The following LINGO1 variants were observed in gnomAD, a reference collection of about 807,000 sequenced individuals.
LINGO1 encodes leucine-rich repeat and immunoglobulin-like domain-containing nogo receptor-interacting protein 1.
LINGO1 carries 11 observed loss-of-function variants against 37.3 expected under a neutral mutation model. That is an observed-to-expected ratio of 0.29 (90% CI 0.19 to 0.49). The LOEUF (loss-of-function observed/expected upper bound fraction) is 0.49, where lower values mean the gene tolerates loss of function less well. Ranked by LOEUF, LINGO1 falls within the 20% of genes least tolerant of loss-of-function variation. The pLI, the probability that LINGO1 is intolerant of heterozygous loss-of-function variation, is 0.99. For missense variants in LINGO1, 585 were observed against 878.2 expected (o/e 0.67, Z 4.22); for synonymous variants, 387 against 403.0 (o/e 0.96, Z 0.48).
chr15:77,779,900 C>T (rs936971605), intron 1 of LINGO1, among the ~76,000 whole-genome samples: 1 of 152,174 alleles, frequency 6.6e-6, no homozygotes, highest in Non-Finnish European at 1.5e-5. Flanking sequence ...AGCATGGAGC[C>T]AGGCACCAGG....
At chr15:77,769,092 C>T (rs2076558352) in intron 1 of LINGO1, among the ~76,000 whole-genome samples, 1 of 152,212 alleles carries the variant, frequency 6.6e-6, no homozygotes, top group African/African-American at 2.4e-5. Flanking sequence ...CTCTGGCCTC[C>T]CTGCTCCAGA....
chr15:77,738,857 C>T (rs527834176), intron 1 of LINGO1, among the ~76,000 whole-genome samples: 2 of 152,304 alleles, frequency 1.3e-5, no homozygotes, highest in Non-Finnish European at 2.9e-5. Flanking sequence ...TACCAGACTC[C>T]GAAGCCTGTG....
chr15:77,795,941 C>T (rs974367413), exon 2 of LINGO1: 2 of 152,324 alleles, frequency 1.3e-5, no homozygotes, highest in African/African-American at 2.4e-5. Context: ...CATCTTACCT[C>T]GGGTTGGGTG....
At chr15:77,812,162 T>C (rs4243052) in intron 1 of LINGO1, among the ~76,000 whole-genome samples, 144,260 of 152,314 alleles carry the variant, frequency 0.95, 68,375 homozygotes, top group African/African-American at 0.96. Flanking sequence ...AGAAGCCAGA[T>C]GCTGCCCTTT....
chr15:77,733,399 C>A (rs1230500743), intron 2 of LINGO1, among the ~76,000 whole-genome samples: 1 of 152,162 alleles, frequency 6.6e-6, no homozygotes, highest in Non-Finnish European at 1.5e-5. Flanking sequence ...GGTCCACACA[C>A]ACATCTTCAT....
intron 1 of LINGO1, among the ~76,000 whole-genome samples, chr15:77,801,363 T>C (rs2076917014): frequency 1.3e-5 from 2 of 152,194 alleles, no homozygotes; most frequent in Non-Finnish European, 2.9e-5. Flanking sequence ...CGTCTATGTA[T>C]AACAATAGAG....
At chr15:77,819,674 C>T (rs2077081999) in intron 1 of LINGO1, 2 of 150,986 alleles carry the variant, frequency 1.3e-5, no homozygotes, top group Non-Finnish European at 3.0e-5. Context: ...CGGCCGGAGC[C>T]TGCGGAGCGC....
intron 1 of LINGO1, among the ~76,000 whole-genome samples, chr15:77,809,783 T>C (rs1218289424): frequency 6.6e-6 from 1 of 152,230 alleles, no homozygotes; most frequent in African/African-American, 2.4e-5. Flanking sequence ...TGCCTCGTTT[T>C]GCCAGGGAAG....
At chr15:77,808,654 A>G (rs2076979414) in intron 1 of LINGO1, among the ~76,000 whole-genome samples, 1 of 152,146 alleles carries the variant, frequency 6.6e-6, no homozygotes, top group Non-Finnish European at 1.5e-5. Context: ...CAATGCTCCT[A>G]TGTTCAAATG....
intron 2 of LINGO1, among the ~76,000 whole-genome samples, chr15:77,685,650 G>A (rs1259271984): frequency 6.7e-6 from 1 of 148,956 alleles, no homozygotes; most frequent in Non-Finnish European, 1.5e-5. Flanking sequence ...TTGAGGCCAG[G>A]AGTTTGAGAC....
chr15:77,785,549 C>G (rs2076762943), intron 1 of LINGO1, among the ~76,000 whole-genome samples: 2 of 152,110 alleles, frequency 1.3e-5, no homozygotes, highest in Admixed American at 1.3e-4. Context: ...GACAGTGGTC[C>G]CACCCCCAAC....
At chr15:77,792,529 T>A (rs2076826101) in intron 2 of LINGO1, among the ~76,000 whole-genome samples, 1 of 152,210 alleles carries the variant, frequency 6.6e-6, no homozygotes, top group Non-Finnish European at 1.5e-5. Flanking sequence ...TAAGGCCTAC[T>A]CCCTCTCCTC....
chr15:77,712,060 T>C (rs983388219), intron 2 of LINGO1, among the ~76,000 whole-genome samples: 9 of 152,176 alleles, frequency 5.9e-5, no homozygotes, highest in African/African-American at 2.2e-4. Flanking sequence ...TCGAACTTCC[T>C]GGCCACTTCC....
chr15:77,709,696 G>A (rs1342981230), intron 2 of LINGO1, among the ~76,000 whole-genome samples: 1 of 152,234 alleles, frequency 6.6e-6, no homozygotes, highest in Non-Finnish European at 1.5e-5. Context: ...TTCCAGTGGC[G>A]CTGCAGGCCC....
chr15:77,727,286 C>T (rs1222451977), intron 2 of LINGO1, among the ~76,000 whole-genome samples: 1 of 152,172 alleles, frequency 6.6e-6, no homozygotes, highest in Non-Finnish European at 1.5e-5. Flanking sequence ...GGTATGTGCA[C>T]ACTCATGTTC....
chr15:77,786,548 C>T (rs1261364930), intron 1 of LINGO1, among the ~76,000 whole-genome samples: 1 of 152,172 alleles, frequency 6.6e-6, no homozygotes, highest in Non-Finnish European at 1.5e-5. Context: ...TTTACACAGA[C>T]GGCCTCGGCT....
chr15:77,615,446 T>A lies in LINGO1; in HGVS notation c.461A>T (p.Lys154Met). 12 of 1,614,048 alleles carry A rather than the reference T, an allele frequency of 7.4e-6. No homozygotes were observed. The highest frequency in any genetic ancestry group is 1.0e-5 in the Non-Finnish European group (12 of 1,179,894). Reference sequence around the variant, plus strand: ...CATGTAGTCCAGTAGGATAACGATCTTGTTCTCGCTGATGTCCAGCTTGGT... The same window carrying A: ...CATGTAGTCCAGTAGGATAACGATCATGTTCTCGCTGATGTCCAGCTTGGT... The part of the protein sequence containing the change: ...NLTKLDISEN[K>M]IVILLDYMFQ... Residue 154 changes from lysine (K) to methionine (M), a missense_variant, in exon 2 of 2, where the codon AAG becomes ATG. Transcript: ENST00000355300.
intron 1 of LINGO1, among the ~76,000 whole-genome samples, chr15:77,618,756 ATTTTTTTGTATTTTTTTTTTAGTAG>A (rs2073821302): frequency 9.1e-3 from 1 of 110 alleles, no homozygotes; most frequent in Non-Finnish European, 0.015. Flanking sequence ...CGCCCGGCTA[ATTTTTTTGTATTTTTTTTTTAGTAG>A]AGACGGGGTT....
chr15:77,652,530 G>GTGTGTGTGTGTGTGTGTGTGTT (rs1461851046), intron 3 of LINGO1, among the ~76,000 whole-genome samples: 4 of 144,772 alleles, frequency 2.8e-5, no homozygotes, highest in African/African-American at 1.1e-4. Context: ...GTGTGTGTGT[G>GTGTGTGTGTGTGTGTGTGTGTT]TTGCCAGAAT....
Sources: gnomAD v4.1 joint callset for allele counts (sites outside exome capture counted in the v4.1 genomes callset) on GRCh38, gnomAD v4.1.1 for gene constraint, MANE v1.5 for transcripts, NCBI Gene and HGNC (gene_info 2026-07-23, HGNC 2026-07-21) for gene names.